Variants in FAM222B observed in about 807,000 individuals in gnomAD.
The protein encoded by FAM222B is protein FAM222B.
FAM222B carries 12 observed loss-of-function variants against 38.0 expected under a neutral mutation model. The ratio of observed to expected loss-of-function variants is 0.32; its 90% CI spans 0.20 to 0.51. The LOEUF (loss-of-function observed/expected upper bound fraction) is 0.51, where lower values mean the gene tolerates loss of function less well. Ranked by LOEUF, FAM222B falls within the 20% of genes least tolerant of loss-of-function variation. FAM222B has a pLI of 0.97. For synonymous variants in FAM222B, 329 were observed against 317.2 expected (o/e 1.04, Z -0.40); for missense variants, 716 against 754.2 (o/e 0.95, Z 0.59).
At chr17:28,808,807 G>A (rs1171143169) in intron 1 of FAM222B, among the ~76,000 whole-genome samples, 1 of 152,194 alleles carries the variant, frequency 6.6e-6, no homozygotes, top group Non-Finnish European at 1.5e-5. Context: ...ACAATTGACA[G>A]AGCATTCTCA....
chr17:28,818,227 C>A (rs2151940423), intron 1 of FAM222B, among the ~76,000 whole-genome samples: 1 of 151,758 alleles, frequency 6.6e-6, no homozygotes, highest in Non-Finnish European at 1.5e-5. Flanking sequence ...CAAGACCCTG[C>A]CTTTAAAAAA....
chr17:28,827,576 T>C (rs926350382), intron 1 of FAM222B, among the ~76,000 whole-genome samples: 3 of 152,162 alleles, frequency 2.0e-5, no homozygotes, highest in African/African-American at 7.2e-5. Flanking sequence ...GCAAGAGTGA[T>C]TAATACTGCC....
intron 2 of FAM222B, among the ~76,000 whole-genome samples, chr17:28,762,937 C>CAAA (rs1158122413): frequency 9.9e-6 from 1 of 100,580 alleles, no homozygotes; most frequent in Non-Finnish European, 2.1e-5. Flanking sequence ...GACTCCGTCT[C>CAAA]AAAAAAAAAA....
At position 28,784,491 on chromosome 17, in the gene FAM222B, T is replaced by TAAAAAAAAAA. The variant is rs559624246; in HGVS notation, c.-40-17794_-40-17785dup. 7.5e-4 allele frequency among the ~76,000 whole-genome samples: 27 copies of TAAAAAAAAAA among 36,048 alleles called. 4 individuals are homozygous for TAAAAAAAAAA. Among genetic ancestry groups the TAAAAAAAAAA allele is most frequent in the South Asian group, 1.0e-3 (1 of 980 alleles). 23.6% of individuals were successfully genotyped at this position (36,048 alleles called of 152,430 possible). Reference sequence around the variant, plus strand: ...AACAACAGAGTAAGATCCCCTCTCTTAAAAAAAAAAAAAAAAAAAAAAAAA... The same window carrying TAAAAAAAAAA: ...AACAACAGAGTAAGATCCCCTCTCTTAAAAAAAAAAAAAAAAAAAAAAAAAAAAAAAAAAA... On this transcript the variant is annotated intron_variant, in intron 1 of 2. Coordinates refer to ENST00000581407, the MANE Select transcript of FAM222B (RefSeq NM_001077498.3).
At chr17:28,834,786 C>T (rs1467425329) in intron 1 of FAM222B, 1 of 149,984 alleles carries the variant, frequency 6.7e-6, no homozygotes, top group Admixed American at 6.7e-5. Flanking sequence ...TTCTTTGTTG[C>T]TTCTTCATTC....
intron 1 of FAM222B, among the ~76,000 whole-genome samples, chr17:28,815,044 A>T (rs780740395): frequency 3.3e-5 from 5 of 152,008 alleles, no homozygotes; most frequent in Non-Finnish European, 7.4e-5. Flanking sequence ...AAGTGCTGGG[A>T]TTACAGGCAT....
intron 1 of FAM222B, among the ~76,000 whole-genome samples, chr17:28,789,759 C>T (rs1275611191): frequency 2.6e-5 from 4 of 152,116 alleles, no homozygotes; most frequent in Non-Finnish European, 4.4e-5. Flanking sequence ...AGAGAAAGTA[C>T]TAGATGAGTC....
At chr17:28,844,173 A>C (rs1457383806), upstream of FAM222B, among the ~76,000 whole-genome samples, 1 of 152,176 alleles carries the variant, frequency 6.6e-6, no homozygotes, top group African/African-American at 2.4e-5. Flanking sequence ...TCAACAAAAC[A>C]GACTTGAAAG....
chr17:28,854,940 G>T, intron 1 of FAM222B: 1 of 1,412,256 alleles, frequency 7.1e-7, no homozygotes, highest in East Asian at 2.4e-5. Context: ...TTCAATTTGG[G>T]CAGACCTACC....
chr17:28,797,223 T>C, intron 1 of FAM222B, among the ~76,000 whole-genome samples: 1 of 152,024 alleles, frequency 6.6e-6, no homozygotes, highest in East Asian at 1.9e-4. Flanking sequence ...CTTGAACTCC[T>C]GGCCTCAACT....
chr17:28,834,730 C>T (rs2038778932), intron 1 of FAM222B: 1 of 151,146 alleles, frequency 6.6e-6, no homozygotes, highest in Non-Finnish European at 1.5e-5. Context: ...GTGGCTGGTC[C>T]GAGTGCAGTA....
chr17:28,769,485 C>T lies in FAM222B; in HGVS notation c.-40-2778G>A, dbSNP rs555957268. Reference sequence around the variant, plus strand: ...CGTAAGCCACCGTGCCTGGCCCAAACGGGGTTTCACCCCATGTTGGCCAGG... The same window carrying T: ...CGTAAGCCACCGTGCCTGGCCCAAATGGGGTTTCACCCCATGTTGGCCAGG... On this transcript the variant is annotated intron_variant, in intron 1 of 2. Transcript: ENST00000581407. Among the ~76,000 whole-genome samples, 15 of 151,934 alleles carry T rather than the reference C, an allele frequency of 9.9e-5. No individual in the cohort carries two copies. The South Asian group carries it at 2.7e-3, about 27-fold the overall frequency.
intron 1 of FAM222B, among the ~76,000 whole-genome samples, chr17:28,774,432 C>T (rs567702427): frequency 2.0e-5 from 3 of 152,262 alleles, no homozygotes; most frequent in African/African-American, 4.8e-5. Context: ...TGGTATGCTA[C>T]GTTAGCTACC....
Position 28,766,718 on chromosome 17 carries a change from CA to C in FAM222B, c.-40-12del. The stretch of plus-strand genomic sequence containing the variant: ...GGGCAGTGGCTCACACTGTAATGAA[CA>C]AAAACAAGGTCATGAAACACAAGGC... On this transcript the variant is annotated splice_polypyrimidine_tract_variant and intron_variant, in intron 1 of 2. Transcript: ENST00000581407. 1 of 1,438,948 alleles carries C rather than the reference CA, an allele frequency of 6.9e-7. No homozygotes were observed. 89.1% of individuals were successfully genotyped at this position (1,438,948 alleles called of 1,614,324 possible). A position where few individuals can be genotyped will look rare whatever the true frequency, so the allele number is the denominator to read the frequency against.
At chr17:28,811,684 T>C (rs1482486388) in intron 1 of FAM222B, among the ~76,000 whole-genome samples, 1 of 152,210 alleles carries the variant, frequency 6.6e-6, no homozygotes, top group African/African-American at 2.4e-5. Context: ...GGTGACAATG[T>C]ACTCCAGGAA....
chr17:28,783,011 G>A (rs2036228839), intron 1 of FAM222B, among the ~76,000 whole-genome samples: 1 of 151,384 alleles, frequency 6.6e-6, no homozygotes, highest in South Asian at 2.1e-4. Context: ...GGCGGTGGGT[G>A]CCTGTAGCCC....
intron 1 of FAM222B, among the ~76,000 whole-genome samples, chr17:28,841,132 T>C (rs973358443): frequency 6.6e-6 from 1 of 150,934 alleles, no homozygotes; most frequent in Non-Finnish European, 1.5e-5. Context: ...CCATCTCTAC[T>C]AAAACTACAA....
In FAM222B at chr17:28,766,716, A is replaced by G; in HGVS notation, c.-40-9T>C. The G allele has an allele frequency of 6.9e-7, 1 of 1,447,830 alleles. No homozygotes were observed. Among genetic ancestry groups the G allele is most frequent in the Non-Finnish European group, 9.5e-7 (1 of 1,047,874 alleles). The allele number at this position is 1,447,830 out of a possible 1,614,324, so 89.7% of individuals were successfully genotyped here. ...TGGGGCAGTGGCTCACACTGTAATG[A>G]ACAAAAACAAGGTCATGAAACACAA... On this transcript the variant is annotated splice_polypyrimidine_tract_variant and intron_variant, in intron 1 of 2. Transcript: ENST00000581407.
At chr17:28,780,600 G>A (rs1403018097) in intron 1 of FAM222B, among the ~76,000 whole-genome samples, 4 of 152,206 alleles carry the variant, frequency 2.6e-5, no homozygotes, top group Middle Eastern at 3.4e-3. Context: ...ATATTGAAGA[G>A]GATGGGTGCG....
Sources: gnomAD v4.1 joint callset for allele counts (sites outside exome capture counted in the v4.1 genomes callset) on GRCh38, gnomAD v4.1.1 for gene constraint, MANE v1.5 for transcripts, NCBI Gene and HGNC (gene_info 2026-07-23, HGNC 2026-07-21) for gene names.